Variants in MOB1B observed in about 807,000 individuals in gnomAD.
MOB1B encodes MOB kinase activator 1B.
A neutral mutation model predicts 24.4 loss-of-function variants in MOB1B; 19 were observed. That is an observed-to-expected ratio of 0.78 (90% CI 0.54 to 1.14). The LOEUF (loss-of-function observed/expected upper bound fraction) is 1.14, where lower values mean the gene tolerates loss of function less well. Ranked by LOEUF, MOB1B falls within the 50% of genes most tolerant of loss-of-function variation. The pLI is 0.00. For synonymous variants in MOB1B, 76 were observed against 82.1 expected (o/e 0.93, Z 0.40); for missense variants, 243 against 259.6 (o/e 0.94, Z 0.44).
At position 70,975,162 on chromosome 4, in the gene MOB1B, T is replaced by C; in HGVS notation, c.285T>C (p.Tyr95=). The C allele has an allele frequency of 1.2e-6, 2 of 1,606,116 alleles. No homozygotes were observed. The highest frequency in any genetic ancestry group is 1.7e-6 in the Non-Finnish European group (2 of 1,176,808). The change falls in exon 4 of 6, where the codon TAT becomes TAC. Residue 95 remains tyrosine, a synonymous_variant. Coordinates refer to ENST00000309395, the MANE Select transcript of MOB1B (RefSeq NM_173468.4). ...TATCTCTCCAATGCAGATATGAGTA[T>C]CATTGGGCAGATGGAACGAACATAA... The part of the protein sequence containing the change: ...PVMSAGPKYE[Y]HWADGTNIKK...
intron 1 of MOB1B, among the ~76,000 whole-genome samples, chr4:70,918,835 C>T (rs1736302979): frequency 6.6e-6 from 1 of 152,138 alleles, no homozygotes; most frequent in Admixed American, 6.6e-5. Flanking sequence ...GACTATAAAT[C>T]ATGCTGCTAT....
chr4:70,923,663 A>C (rs2148874739), intron 1 of MOB1B, among the ~76,000 whole-genome samples: 1 of 152,212 alleles, frequency 6.6e-6, no homozygotes, highest in East Asian at 1.9e-4. Context: ...AATAGGTAAC[A>C]GTAGGGCCGG....
intron 5 of MOB1B, among the ~76,000 whole-genome samples, chr4:70,981,219 T>C (rs116612171): frequency 0.016 from 2,488 of 152,328 alleles, 66 homozygotes; most frequent in African/African-American, 0.055. Flanking sequence ...CCTCTAATGC[T>C]TCTCTCCAGT....
intron 1 of MOB1B, among the ~76,000 whole-genome samples, chr4:70,928,178 T>C (rs915619341): frequency 6.6e-6 from 1 of 152,190 alleles, no homozygotes; most frequent in Admixed American, 6.5e-5. Context: ...GTCATGTGTA[T>C]GATCTCTTTG....
At chr4:70,977,624 T>TC in intron 4 of MOB1B, among the ~76,000 whole-genome samples, 1 of 152,256 alleles carries the variant, frequency 6.6e-6, no homozygotes, top group Middle Eastern at 3.4e-3. Flanking sequence ...TTACCCTTTT[T>TC]CCCCCTTGTG....
Position 70,988,093 on chromosome 4 carries a change from G to A in MOB1B, c.*6036G>A, listed in dbSNP as rs1739440189. The A allele has an allele frequency of 1.3e-5, 2 of 150,606 alleles. No individual in the cohort carries two copies. The highest frequency in any genetic ancestry group is 6.6e-5 in the Admixed American group (1 of 15,126). 9.3% of individuals were successfully genotyped at this position (150,606 alleles called of 1,614,324 possible). A position where few individuals can be genotyped will look rare whatever the true frequency, so the allele number is the denominator to read the frequency against. On this transcript the variant is annotated 3_prime_UTR_variant, in exon 6 of 6. Transcript: ENST00000309395. Reference sequence around the variant, plus strand: ...GGGATGGGAAATATTTAAATTCTAGGTGTTTTTTTTTTTTTAAAGAAGAAA... The same window carrying A: ...GGGATGGGAAATATTTAAATTCTAGATGTTTTTTTTTTTTTAAAGAAGAAA...
intron 1 of MOB1B, 59 bp downstream of exon 1, chr4:70,902,609 G>T: frequency 9.5e-7 from 1 of 1,055,588 alleles, no homozygotes. Context: ...GCCCCCGCCC[G>T]CCGCCCGCCG....
intron 5 of MOB1B, among the ~76,000 whole-genome samples, chr4:70,980,790 G>A (rs746234569): frequency 2.0e-5 from 3 of 152,118 alleles, no homozygotes; most frequent in Admixed American, 6.6e-5. Context: ...TTTTGAGGGC[G>A]GGTCCCGTCT....
At chr4:70,921,295 C>T (rs1255121707) in intron 1 of MOB1B, among the ~76,000 whole-genome samples, 1 of 152,100 alleles carries the variant, frequency 6.6e-6, no homozygotes, top group Non-Finnish European at 1.5e-5. Context: ...ACTTTAGGCA[C>T]ATGACCAGTA....
At chr4:70,917,799 A>C (rs1357422010) in intron 1 of MOB1B, among the ~76,000 whole-genome samples, 1 of 152,204 alleles carries the variant, frequency 6.6e-6, no homozygotes, top group Non-Finnish European at 1.5e-5. Context: ...AGGTCACCAA[A>C]TGTATGTGAA....
chr4:70,921,446 G>A (rs72852970), intron 1 of MOB1B, among the ~76,000 whole-genome samples: 4,238 of 143,646 alleles, frequency 0.03, 198 homozygotes, highest in African/African-American at 0.1. Flanking sequence ...AACTGCTGAT[G>A]GATTTCTTTC....
intron 1 of MOB1B, among the ~76,000 whole-genome samples, chr4:70,916,104 T>C (rs1258325672): frequency 6.6e-6 from 1 of 152,170 alleles, no homozygotes; most frequent in Non-Finnish European, 1.5e-5. Flanking sequence ...TTTGGTTTGG[T>C]CTCTTGGGGC....
intron 1 of MOB1B, among the ~76,000 whole-genome samples, chr4:70,946,641 A>G (rs187635758): frequency 9.2e-5 from 14 of 152,316 alleles, no homozygotes; most frequent in Non-Finnish European, 1.6e-4. Context: ...GCTAGTTCCT[A>G]TTGTAAACCA....
intron 4 of MOB1B, chr4:70,976,028 T>A: frequency 3.9e-6 from 1 of 256,482 alleles, no homozygotes; most frequent in Non-Finnish European, 6.1e-6. Context: ...GCATCCTAAG[T>A]AACTGGGACT....
At chr4:70,934,803 C>G (rs1382709948) in intron 1 of MOB1B, among the ~76,000 whole-genome samples, 4 of 151,940 alleles carry the variant, frequency 2.6e-5, no homozygotes, top group African/African-American at 9.7e-5. Context: ...GATGCTGTCT[C>G]CGTAATTGTT....
chr4:70,918,168 C>T (rs113424115), intron 1 of MOB1B, among the ~76,000 whole-genome samples: 28 of 152,254 alleles, frequency 1.8e-4, no homozygotes, highest in African/African-American at 6.5e-4. Context: ...TTCAGGGGCC[C>T]TCTGATCCAT....
In MOB1B at chr4:70,985,707, A is replaced by T. The variant is rs888797035; in HGVS notation, c.*3650A>T. On this transcript the variant is annotated 3_prime_UTR_variant, in exon 6 of 6. Transcript: ENST00000309395. Reference sequence around the variant, plus strand: ...GCTAATTTTCATATTTTTAGTAGAGATGGGGTTTCAACATATTGGCCAGGC... The same window carrying T: ...GCTAATTTTCATATTTTTAGTAGAGTTGGGGTTTCAACATATTGGCCAGGC... 1.3e-5 allele frequency: 2 copies of T among 151,942 alleles called. No individual in the cohort carries two copies. Among genetic ancestry groups the T allele is most frequent in the Admixed American group, 6.6e-5 (1 of 15,228 alleles). 9.4% of individuals were successfully genotyped at this position (151,942 alleles called of 1,614,324 possible).
intron 1 of MOB1B, among the ~76,000 whole-genome samples, chr4:70,929,850 G>A (rs1015546459): frequency 1.3e-4 from 19 of 151,464 alleles, no homozygotes; most frequent in African/African-American, 4.4e-4. Context: ...TTTCGCCGTG[G>A]TCTCGATCTC....
chr4:70,920,529 A>C (rs1024808041), intron 1 of MOB1B, among the ~76,000 whole-genome samples: 5 of 152,310 alleles, frequency 3.3e-5, no homozygotes, highest in African/African-American at 4.8e-5. Flanking sequence ...CTGGCTTCTT[A>C]TTATTACAGC....
Sources: gnomAD v4.1 joint callset for allele counts (sites outside exome capture counted in the v4.1 genomes callset) on GRCh38, gnomAD v4.1.1 for gene constraint, MANE v1.5 for transcripts, NCBI Gene and HGNC (gene_info 2026-07-23, HGNC 2026-07-21) for gene names.